Variants in CAPZB observed in about 807,000 individuals in gnomAD.
The protein encoded by CAPZB is capping actin protein of muscle Z-line subunit beta.
A neutral mutation model predicts 38.1 loss-of-function variants in CAPZB; 2 were observed. That is an observed-to-expected ratio of 0.05 (90% CI 0.02 to 0.17). CAPZB has a LOEUF of 0.17. Among genes scored for constraint, CAPZB ranks in the 10% least tolerant of loss-of-function variants. The pLI is 1.00. For synonymous variants in CAPZB, 107 were observed against 127.4 expected, an observed-to-expected ratio of 0.84 and a Z score of 1.08; for missense variants, 161 against 334.2, an observed-to-expected ratio of 0.48 and a Z score of 4.04.
chr1:19,353,045 G>T (rs1285949481), intron 6 of CAPZB, among the ~76,000 whole-genome samples: 2 of 152,254 alleles, frequency 1.3e-5, no homozygotes, highest in Non-Finnish European at 2.9e-5. Flanking sequence ...CAGATGGGCC[G>T]TGGGAAACAG....
chr1:19,381,346 T>C (rs1570054086), intron 3 of CAPZB, among the ~76,000 whole-genome samples: 1 of 148,142 alleles, frequency 6.8e-6, no homozygotes, highest in Non-Finnish European at 1.5e-5. Flanking sequence ...CTTGCCCTTC[T>C]TCCCTCACCC....
intron 2 of CAPZB, 31 bp from the exon 3 acceptor site, chr1:19,385,657 G>A: frequency 6.2e-7 from 1 of 1,614,140 alleles, no homozygotes; most frequent in Non-Finnish European, 8.5e-7. Flanking sequence ...GGTCGAAACA[G>A]AGGTTAAAAC....
chr1:19,362,643 T>TA lies in CAPZB; in HGVS notation c.330-5081dup, dbSNP rs141023561. 0.011 allele frequency among the ~76,000 whole-genome samples: 1,689 copies of TA among 147,824 alleles called. 65 individuals are homozygous for TA. The East Asian group carries it at 0.14, about 12-fold the overall frequency. ...CCCAGGAGTTCGAGGCCAGCCTCTATAAAAAAAAGAAAAAAGAAAGAAAAA... is the reference window on the plus strand; with the variant it reads ...CCCAGGAGTTCGAGGCCAGCCTCTATAAAAAAAAAGAAAAAAGAAAGAAAAA... On this transcript the variant is annotated intron_variant, in intron 4 of 8. Coordinates refer to ENST00000264202, the MANE Select transcript of CAPZB (RefSeq NM_004930.5).
Position 19,439,232 on chromosome 1 carries a change from A to G in CAPZB, c.4-19482T>C, listed in dbSNP as rs535708906. ...TCAGAAAGGTGAGATAAAGCACAAG[A>G]CTGTCCCACTCTTGTAAATGTTCTA... On this transcript the variant is annotated intron_variant, in intron 1 of 8. Transcript: ENST00000264202. Among the ~76,000 whole-genome samples the G allele has an allele frequency of 9.8e-5, 15 of 152,314 alleles. No homozygotes were observed. In the South Asian group the frequency reaches 3.1e-3, roughly 32 times the overall value.
At chr1:19,426,442 G>GT (rs2094422869) in intron 1 of CAPZB, among the ~76,000 whole-genome samples, 2 of 150,874 alleles carry the variant, frequency 1.3e-5, no homozygotes, top group African/African-American at 4.9e-5. Flanking sequence ...TTGTGGTGGG[G>GT]CGGGGGGGGG....
chr1:19,442,952 TC>T (rs2094483319), intron 1 of CAPZB, among the ~76,000 whole-genome samples: 1 of 152,174 alleles, frequency 6.6e-6, no homozygotes, highest in Non-Finnish European at 1.5e-5. Context: ...GCTACTTGCA[TC>T]CATCCTATCA....
intron 2 of CAPZB, among the ~76,000 whole-genome samples, chr1:19,392,854 G>C (rs1281599588): frequency 1.3e-5 from 2 of 152,166 alleles, no homozygotes; most frequent in Non-Finnish European, 2.9e-5. Flanking sequence ...AATTCAAAAA[G>C]GTACAAGAGC....
At position 19,397,045 on chromosome 1, in the gene CAPZB, A is replaced by G. The variant is rs182619439; in HGVS notation, c.94-11419T>C. Among the ~76,000 whole-genome samples the G allele has an allele frequency of 6.6e-5, 10 of 152,010 alleles. No individual in the cohort carries two copies. The East Asian group carries it at 1.4e-3, about 21-fold the overall frequency. ...AAAGACCAGGTAAAAATACACAAAC[A>G]TAACTCATATATAAGTTGATTTTTC... On this transcript the variant is annotated intron_variant, in intron 2 of 8. Transcript: ENST00000264202.
Position 19,339,309 on chromosome 1 carries a change from G to A in CAPZB, c.*221C>T. On this transcript the variant is annotated 3_prime_UTR_variant, in exon 9 of 9. Transcript: ENST00000264202. ...AACCACACGGTCTCTATGGAAATGTGGAGAGAACTGAGAGCGAGGTGTGGC... is the reference window on the plus strand; with the variant it reads ...AACCACACGGTCTCTATGGAAATGTAGAGAGAACTGAGAGCGAGGTGTGGC... 2 of 594,452 alleles carry A rather than the reference G, an allele frequency of 3.4e-6. No homozygotes were observed. The highest frequency in any genetic ancestry group is 3.0e-5 in the Admixed American group (1 of 33,460). The allele number at this position is 594,452 out of a possible 1,614,324, so 36.8% of individuals were successfully genotyped here. A position where few individuals can be genotyped will look rare whatever the true frequency, so the allele number is the denominator to read the frequency against.
At chr1:19,343,233 G>A (rs916921732) in intron 8 of CAPZB, among the ~76,000 whole-genome samples, 6 of 152,232 alleles carry the variant, frequency 3.9e-5, no homozygotes, top group South Asian at 2.1e-4. Flanking sequence ...CACAGGTCAC[G>A]AAGACCAAGC....
At chr1:19,417,823 G>A (rs543786120) in intron 2 of CAPZB, among the ~76,000 whole-genome samples, 5 of 152,126 alleles carry the variant, frequency 3.3e-5, no homozygotes, top group South Asian at 2.1e-4. Context: ...CCAATCTAAC[G>A]TGCAGCCCAA....
chr1:19,440,346 C>T (rs1334044417), intron 1 of CAPZB, among the ~76,000 whole-genome samples: 1 of 152,082 alleles, frequency 6.6e-6, no homozygotes, highest in African/African-American at 2.4e-5. Flanking sequence ...CCATAAAATA[C>T]ACCTTTGTAA....
chr1:19,422,511 C>A lies in CAPZB; in HGVS notation c.4-2761G>T, dbSNP rs192480171. Among the ~76,000 whole-genome samples, 453 of 152,142 alleles carry A rather than the reference C, an allele frequency of 3.0e-3. 3 individuals are homozygous for A. Among genetic ancestry groups the A allele is most frequent in the African/African-American group, 0.011 (438 of 41,492 alleles). On this transcript the variant is annotated intron_variant, in intron 1 of 8. Transcript: ENST00000264202. The stretch of plus-strand genomic sequence containing the variant: ...ATACACTTTGGGAGGCCAAGGCGGG[C>A]GGATCATGAGGTCAGGAGATTGAGA...
chr1:19,346,498 T>C (rs1345317441), intron 6 of CAPZB, among the ~76,000 whole-genome samples: 1 of 114,596 alleles, frequency 8.7e-6, no homozygotes, highest in African/African-American at 3.5e-5. Context: ...GAGTTCAAAA[T>C]GAGACCAGGC....
intron 4 of CAPZB, among the ~76,000 whole-genome samples, chr1:19,365,301 C>T (rs1051887971): frequency 4.6e-5 from 7 of 152,100 alleles, no homozygotes; most frequent in Non-Finnish European, 7.3e-5. Flanking sequence ...TTTGGGATCC[C>T]GAAGCTGTTG....
chr1:19,381,905 G>A (rs1220857294), intron 3 of CAPZB, among the ~76,000 whole-genome samples: 2 of 152,046 alleles, frequency 1.3e-5, no homozygotes, highest in Admixed American at 1.3e-4. Context: ...AGATGCTGTC[G>A]CCATGATTTA....
At chr1:19,484,067 A>G in intron 1 of CAPZB, 2 of 958,634 alleles carry the variant, frequency 2.1e-6, no homozygotes, top group Non-Finnish European at 1.5e-6. Flanking sequence ...GCAGGAGGGC[A>G]GGTCTATCTG....
At chr1:19,460,107 C>T (rs2094545983) in intron 1 of CAPZB, among the ~76,000 whole-genome samples, 1 of 152,140 alleles carries the variant, frequency 6.6e-6, no homozygotes. Context: ...CTAAGATCTA[C>T]AGTAAGAACA....
At chr1:19,470,094 C>T (rs2094582005) in intron 1 of CAPZB, among the ~76,000 whole-genome samples, 1 of 152,170 alleles carries the variant, frequency 6.6e-6, no homozygotes, top group Admixed American at 6.5e-5. Context: ...TAGAGCAAAT[C>T]TGCAGTCCCA....
Sources: gnomAD v4.1 joint callset for allele counts (sites outside exome capture counted in the v4.1 genomes callset) on GRCh38, gnomAD v4.1.1 for gene constraint, MANE v1.5 for transcripts, NCBI Gene and HGNC (gene_info 2026-07-23, HGNC 2026-07-21) for gene names.